Variants in FRMPD4 observed in about 807,000 individuals in gnomAD.
FRMPD4 encodes FERM and PDZ domain-containing protein 4.
A neutral mutation model predicts 94.1 loss-of-function variants in FRMPD4; 22 were observed. The ratio of observed to expected loss-of-function variants is 0.23; its 90% CI spans 0.17 to 0.33. The LOEUF is 0.33. Among genes scored for constraint, FRMPD4 ranks in the 10% least tolerant of loss-of-function variants. The probability of loss-of-function intolerance (pLI) is 1.00; values close to 1 mark genes in which losing one functional copy is unlikely to be tolerated. For synonymous variants in FRMPD4, 631 were observed against 548.6 expected (o/e 1.15, Z -2.10); for missense variants, 1,111 against 1,339.9 (o/e 0.83, Z 2.67).
chrX:12,120,948 A>G (rs1192992779), intron 3 of FRMPD4, among the ~76,000 whole-genome samples: 1 of 110,016 alleles, frequency 9.1e-6, no homozygotes, highest in Non-Finnish European at 1.9e-5. Flanking sequence ...CTTTAAACTC[A>G]TTCAGGGAGA....
At chrX:12,077,170 T>C (rs750454483) in intron 3 of FRMPD4, among the ~76,000 whole-genome samples, 2 of 112,479 alleles carry the variant, frequency 1.8e-5, no homozygotes, top group Non-Finnish European at 1.9e-5. Flanking sequence ...CCACTGGTTA[T>C]TTACATCATC....
intron 2 of FRMPD4, among the ~76,000 whole-genome samples, chrX:12,549,570 G>A (rs1477003726): frequency 8.9e-6 from 1 of 112,196 alleles, no homozygotes; most frequent in Non-Finnish European, 1.9e-5. Context: ...TATCTTTATA[G>A]ATAGGTGTAT....
chrX:12,572,293 T>C (rs940215742), intron 2 of FRMPD4, among the ~76,000 whole-genome samples: 1 of 112,314 alleles, frequency 8.9e-6, no homozygotes, highest in Non-Finnish European at 1.9e-5. Flanking sequence ...TACATTGAAC[T>C]GTGCTTATAA....
chrX:12,201,018 G>T (rs1015368566), intron 1 of FRMPD4, among the ~76,000 whole-genome samples: 2 of 112,314 alleles, frequency 1.8e-5, no homozygotes, highest in African/African-American at 6.5e-5. Flanking sequence ...TTGCAACATA[G>T]TTCAAAGGCA....
intron 4 of FRMPD4, among the ~76,000 whole-genome samples, chrX:12,624,252 G>T (rs936222886): frequency 1.8e-5 from 2 of 112,200 alleles, no homozygotes; most frequent in Non-Finnish European, 3.8e-5. Context: ...TACTGTAATG[G>T]TAGTGTATAA....
chrX:12,410,599 T>C (rs1295678218), intron 1 of FRMPD4, among the ~76,000 whole-genome samples: 1 of 111,555 alleles, frequency 9.0e-6, no homozygotes, highest in African/African-American at 3.3e-5. Flanking sequence ...ATTTCAGGTC[T>C]GTCAAAATTG....
intron 3 of FRMPD4, among the ~76,000 whole-genome samples, chrX:11,998,059 T>C (rs2054505932): frequency 8.9e-6 from 1 of 111,941 alleles, no homozygotes; most frequent in African/African-American, 3.2e-5. Context: ...CTATTTCCAA[T>C]TCATCATGAA....
chrX:12,547,299 C>T (rs1173675265), intron 2 of FRMPD4, among the ~76,000 whole-genome samples: 1 of 111,119 alleles, frequency 9.0e-6, no homozygotes, highest in Admixed American at 9.7e-5. Flanking sequence ...AATTCAAACC[C>T]ACACAGTCTG....
intron 3 of FRMPD4, among the ~76,000 whole-genome samples, chrX:12,109,510 A>G (rs1055372287): frequency 5.4e-5 from 6 of 112,050 alleles, no homozygotes; most frequent in African/African-American, 1.9e-4. Context: ...CACAATTAAA[A>G]GAACTAGAGA....
rs2056927739 is a variant in FRMPD4 at position 12,226,771 on chromosome X, A to G, written c.41+87759A>G. On this transcript the variant is annotated intron_variant, in intron 1 of 16. Transcript: ENST00000675598. Reference sequence around the variant, plus strand: ...AAGGAACCCTGAGCCTAAAAAACTCAAGTCTTCTATAATGGGCAGTAATCA... The same window carrying G: ...AAGGAACCCTGAGCCTAAAAAACTCGAGTCTTCTATAATGGGCAGTAATCA... Among the ~76,000 whole-genome samples the G allele has an allele frequency of 3.6e-5, 4 of 111,347 alleles. No homozygotes were observed. The South Asian group carries it at 1.2e-3, about 32-fold the overall frequency.
intron 1 of FRMPD4, among the ~76,000 whole-genome samples, chrX:12,208,316 A>T (rs1034252188): frequency 9.0e-6 from 1 of 111,293 alleles, no homozygotes; most frequent in African/African-American, 3.3e-5. Context: ...GGAAAAAAAA[A>T]AGTCAATAGC....
intron 3 of FRMPD4, among the ~76,000 whole-genome samples, chrX:11,930,844 G>A (rs762123714): frequency 7.2e-5 from 8 of 111,120 alleles, no homozygotes; most frequent in South Asian, 3.9e-4. Flanking sequence ...GTGGCTCTCC[G>A]AAGGATATTG....
chrX:11,980,016 C>T (rs376749336), intron 3 of FRMPD4, among the ~76,000 whole-genome samples: 19 of 111,564 alleles, frequency 1.7e-4, no homozygotes, highest in Admixed American at 9.5e-4. Context: ...TGTGTGTGCA[C>T]GCACGCTCAT....
chrX:12,127,930 G>A (rs998664835), intron 3 of FRMPD4, among the ~76,000 whole-genome samples: 2 of 112,882 alleles, frequency 1.8e-5, no homozygotes, highest in African/African-American at 3.2e-5. Context: ...CTCCTTTGAT[G>A]CCATGTCTCA....
At chrX:12,469,539 C>T (rs2057486359) in intron 1 of FRMPD4, among the ~76,000 whole-genome samples, 1 of 111,909 alleles carries the variant, frequency 8.9e-6, no homozygotes, top group African/African-American at 3.2e-5. Context: ...GCATGAGTCA[C>T]CGTGCCCGGC....
chrX:12,024,732 A>G (rs2147427271), intron 3 of FRMPD4, among the ~76,000 whole-genome samples: 1 of 112,337 alleles, frequency 8.9e-6, no homozygotes, highest in African/African-American at 3.2e-5. Context: ...TTCTATATAC[A>G]AATGGATTTA....
At chrX:12,619,590 C>A (rs1044087265) in intron 4 of FRMPD4, among the ~76,000 whole-genome samples, 3 of 111,870 alleles carry the variant, frequency 2.7e-5, no homozygotes, top group Non-Finnish European at 5.6e-5. Context: ...CCAGAAACAA[C>A]CACATCCCCC....
intron 1 of FRMPD4, among the ~76,000 whole-genome samples, chrX:12,152,479 G>T (rs966080820): frequency 1.8e-5 from 2 of 111,031 alleles, no homozygotes; most frequent in African/African-American, 3.3e-5. Context: ...GAATGGGGGG[G>T]TAATGAAGAA....
chrX:11,900,076 G>A (rs1017729944), intron 3 of FRMPD4, among the ~76,000 whole-genome samples: 1 of 111,882 alleles, frequency 8.9e-6, no homozygotes, highest in Non-Finnish European at 1.9e-5. Flanking sequence ...GGAGTTATCC[G>A]GGGGTCTTTT....
Sources: allele counts gnomAD v4.1 joint callset (sites outside exome capture counted in the v4.1 genomes callset), GRCh38; gene constraint gnomAD v4.1.1; transcripts MANE v1.5; gene names NCBI Gene and HGNC (gene_info 2026-07-23, HGNC 2026-07-21).